The following ENTREP2 variants were observed in gnomAD, a reference collection of about 807,000 sequenced individuals.
The protein encoded by ENTREP2 is protein ENTREP2.
At chr15:29,414,954 A>C in the ENTREP2 span, among the ~76,000 whole-genome samples, 5,575 of 152,280 alleles carry the variant, frequency 0.037, 204 homozygotes, top group Non-Finnish European at 0.049. Context: ...ACCAGGAAGA[A>C]GTTGAATCTC....
the ENTREP2 span, among the ~76,000 whole-genome samples, chr15:29,279,171 C>A: frequency 6.6e-6 from 1 of 152,190 alleles, no homozygotes; most frequent in Non-Finnish European, 1.5e-5. Flanking sequence ...GGGGGAGACA[C>A]TGCAGCCCAT....
At chr15:29,121,174 T>C in the ENTREP2 span, 116,908 of 151,966 alleles carry the variant, frequency 0.77, 45,834 homozygotes, top group Middle Eastern at 0.93. Flanking sequence ...GTGAGGGGCC[T>C]ACAGGGAGGC....
At chr15:29,346,347 G>A in the ENTREP2 span, among the ~76,000 whole-genome samples, 1 of 152,172 alleles carries the variant, frequency 6.6e-6, no homozygotes, top group Non-Finnish European at 1.5e-5. Flanking sequence ...GGTGCCTCAG[G>A]CTGAAATCCA....
At chr15:29,520,485 A>AC in the ENTREP2 span, among the ~76,000 whole-genome samples, 1 of 152,022 alleles carries the variant, frequency 6.6e-6, no homozygotes, top group African/African-American at 2.4e-5. Context: ...CACTATCAAT[A>AC]TTTTTCACCA....
the ENTREP2 span, among the ~76,000 whole-genome samples, chr15:29,263,209 C>G: frequency 6.6e-6 from 1 of 152,118 alleles, no homozygotes; most frequent in Admixed American, 6.5e-5. Flanking sequence ...AAAATCTACC[C>G]ACAAAAAACA....
the ENTREP2 span, among the ~76,000 whole-genome samples, chr15:29,475,004 A>G: frequency 6.6e-6 from 1 of 152,106 alleles, no homozygotes; most frequent in South Asian, 2.1e-4. Context: ...GAACATTTTT[A>G]TCCTGCAGAA....
the ENTREP2 span, chr15:29,151,909 T>G: frequency 8.6e-7 from 1 of 1,157,030 alleles, no homozygotes; most frequent in African/African-American, 2.6e-5. Flanking sequence ...TTAGCCCTCC[T>G]GCCAGGGCCC....
chr15:29,244,872 T>C, the ENTREP2 span, among the ~76,000 whole-genome samples: 2 of 152,196 alleles, frequency 1.3e-5, no homozygotes, highest in African/African-American at 4.8e-5. Context: ...AGCAGCATGC[T>C]TGGTGGTGGG....
At chr15:29,606,540 T>A in the ENTREP2 span, among the ~76,000 whole-genome samples, 1 of 152,062 alleles carries the variant, frequency 6.6e-6, no homozygotes, top group Non-Finnish European at 1.5e-5. Flanking sequence ...CACTTAAGGG[T>A]CAGTTTTTCT....
the ENTREP2 span, among the ~76,000 whole-genome samples, chr15:29,351,542 A>G: frequency 6.6e-6 from 1 of 152,246 alleles, no homozygotes; most frequent in Non-Finnish European, 1.5e-5. Flanking sequence ...ATTAAAAGTA[A>G]TAACAATAAG....
At chr15:29,621,273 C>T in the ENTREP2 span, among the ~76,000 whole-genome samples, 2 of 151,820 alleles carry the variant, frequency 1.3e-5, no homozygotes, top group Admixed American at 1.3e-4. Context: ...CCTGTAATCC[C>T]AGCACTATGG....
the ENTREP2 span, chr15:29,375,984 C>T: frequency 6.6e-6 from 1 of 152,070 alleles, no homozygotes. Context: ...CCAGATCCCT[C>T]AAACAATGTA....
chr15:29,139,888 TG>T, the ENTREP2 span, among the ~76,000 whole-genome samples: 3 of 152,144 alleles, frequency 2.0e-5, no homozygotes, highest in Admixed American at 1.3e-4. Flanking sequence ...CGGCCCAGGG[TG>T]GCCAGCTCTG....
the ENTREP2 span, among the ~76,000 whole-genome samples, chr15:29,483,454 G>A: frequency 6.6e-6 from 1 of 152,148 alleles, no homozygotes; most frequent in Non-Finnish European, 1.5e-5. Flanking sequence ...ATGAAGAGCT[G>A]TATAATTTTA....
chr15:29,504,791 A>G, the ENTREP2 span, among the ~76,000 whole-genome samples: 1 of 152,234 alleles, frequency 6.6e-6, no homozygotes, highest in Non-Finnish European at 1.5e-5. Flanking sequence ...GTAAAATAAT[A>G]ATGCATTCAT....
At chr15:29,240,613 A>C in the ENTREP2 span, among the ~76,000 whole-genome samples, 3 of 152,138 alleles carry the variant, frequency 2.0e-5, 1 homozygote, top group Admixed American at 2.0e-4. Flanking sequence ...CTGGCCCCTC[A>C]ATCTTGGACT....
At chr15:29,365,930 C>A in the ENTREP2 span, among the ~76,000 whole-genome samples, 1 of 152,106 alleles carries the variant, frequency 6.6e-6, no homozygotes, top group Non-Finnish European at 1.5e-5. Context: ...CAGAACCCAG[C>A]ATTCACGCTG....
At chr15:29,650,021 G>C in the ENTREP2 span, among the ~76,000 whole-genome samples, 1 of 152,078 alleles carries the variant, frequency 6.6e-6, no homozygotes, top group Non-Finnish European at 1.5e-5. Context: ...GTGGGACACA[G>C]GTCTGAGCTA....
the ENTREP2 span, chr15:29,613,357 C>G: frequency 3.0e-6 from 1 of 337,834 alleles, no homozygotes; most frequent in African/African-American, 2.2e-5. Context: ...TGGAGCTGAG[C>G]TGGTTGATTC....
Sources: allele counts gnomAD v4.1 joint callset (sites outside exome capture counted in the v4.1 genomes callset), GRCh38; gene constraint gnomAD v4.1.1; transcripts MANE v1.5; gene names NCBI Gene and HGNC (gene_info 2026-07-23, HGNC 2026-07-21).